Variants in SCIMP observed in about 807,000 individuals in gnomAD.
SCIMP encodes the protein SLP adapter and CSK-interacting membrane protein.
Under a neutral mutation model 22.0 loss-of-function variants are expected in SCIMP, and 18 were observed. The observed-to-expected ratio is 0.82, with a 90% CI of 0.56 to 1.21. The LOEUF is 1.21. Among genes scored for constraint, SCIMP ranks in the 50% most tolerant of loss-of-function variants. The pLI, the probability that SCIMP is intolerant of heterozygous loss-of-function variation, is 0.00. For missense variants in SCIMP, 155 were observed against 171.2 expected (o/e 0.91, Z 0.53); for synonymous variants, 53 against 62.2 (o/e 0.85, Z 0.70).
Position 5,215,101 on chromosome 17 carries a change from C to G in SCIMP, c.210-103G>C, listed in dbSNP as rs530186155. 113 of 755,558 alleles carry G rather than the reference C, an allele frequency of 1.5e-4. No homozygotes were observed. The Middle Eastern group carries it at 3.4e-3, about 23-fold the overall frequency. The allele number at this position is 755,558 out of a possible 1,614,324, so 46.8% of individuals were successfully genotyped here. Reference sequence around the variant, plus strand: ...AAGGAAAGTGAATGGGTTGAACATTCAAATCTTGGTCTCTACTAATTGGAA... The same window carrying G: ...AAGGAAAGTGAATGGGTTGAACATTGAAATCTTGGTCTCTACTAATTGGAA... On this transcript the variant is annotated intron_variant, in intron 3 of 4. Transcript: ENST00000574081.
chr17:5,224,370 C>T (rs1654360434), intron 1 of SCIMP, among the ~76,000 whole-genome samples: 2 of 152,066 alleles, frequency 1.3e-5, no homozygotes, highest in Non-Finnish European at 2.9e-5. Flanking sequence ...ATCTCCTGAC[C>T]TCGTGATCTG....
chr17:5,227,726 C>G (rs2144340255), intron 1 of SCIMP, among the ~76,000 whole-genome samples: 1 of 152,298 alleles, frequency 6.6e-6, no homozygotes, highest in South Asian at 2.1e-4. Context: ...ACTCCTCCAC[C>G]TTCCAGCCCA....
At chr17:5,229,724 A>G (rs960837640) in intron 1 of SCIMP, among the ~76,000 whole-genome samples, 2 of 151,964 alleles carry the variant, frequency 1.3e-5, no homozygotes, top group Admixed American at 1.3e-4. Flanking sequence ...GAAGATCTTC[A>G]GTAAGAAATA....
chr17:5,226,551 G>A (rs1164410464), intron 1 of SCIMP, among the ~76,000 whole-genome samples: 1 of 145,286 alleles, frequency 6.9e-6, no homozygotes, highest in Non-Finnish European at 1.5e-5. Context: ...TGTACCCCAG[G>A]CTGGAGTGCG....
chr17:5,220,108 G>A (rs1335520497), intron 3 of SCIMP, among the ~76,000 whole-genome samples: 2 of 152,110 alleles, frequency 1.3e-5, no homozygotes, highest in Admixed American at 1.3e-4. Context: ...GATCCCCAAC[G>A]CAGATATTGG....
intron 1 of SCIMP, among the ~76,000 whole-genome samples, chr17:5,232,870 C>T (rs1182328170): frequency 2.0e-5 from 3 of 152,076 alleles, no homozygotes; most frequent in African/African-American, 4.8e-5. Flanking sequence ...CCACCATACC[C>T]GGCTAATTTT....
At chr17:5,232,036 A>G (rs1280324313) in intron 1 of SCIMP, among the ~76,000 whole-genome samples, 2 of 150,918 alleles carry the variant, frequency 1.3e-5, no homozygotes, top group African/African-American at 2.4e-5. Context: ...AGCCTGGGCG[A>G]CAGAGCGAGA....
chr17:5,210,807 T>G lies in SCIMP; in HGVS notation c.432A>C (p.Ser144=). The change falls in exon 5 of 5, where the codon TCA becomes TCC. Residue 144 remains serine (S), a synonymous_variant. Transcript: ENST00000574081. ...VEIPANTEKA[S]F is the part of the protein sequence containing the mutation. ...AAAAGAAGAAATGGCTGTTTCAAAA[T>G]GATGCTTTTTCAGTATTTGCAGGGA... 1 of 1,604,884 alleles carries G rather than the reference T, an allele frequency of 6.2e-7. No homozygotes were observed.
intron 1 of SCIMP, among the ~76,000 whole-genome samples, chr17:5,231,244 C>T (rs910659559): frequency 6.6e-6 from 1 of 151,910 alleles, no homozygotes; most frequent in Admixed American, 6.6e-5. Context: ...CCTGTAATCC[C>T]AGCCACTCGG....
rs1021321775 is a variant in SCIMP, at chr17:5,212,798, C to T, written c.284-1843G>A. ...CAATCAAAATATTTTTCTTAAGTAT[C>T]GACTGAGCCTCACGCCCTGTTCTAG... On this transcript the variant is annotated intron_variant, in intron 4 of 4. Coordinates refer to ENST00000574081, the MANE Select transcript of SCIMP (RefSeq NM_207103.3). 1.5e-4 allele frequency among the ~76,000 whole-genome samples: 23 copies of T among 152,128 alleles called. No individual in the cohort carries two copies. The East Asian group carries it at 1.7e-3, about 11-fold the overall frequency.
intron 1 of SCIMP, chr17:5,223,752 G>A (rs181925735): frequency 1.1e-4 from 40 of 352,388 alleles, no homozygotes; most frequent in South Asian, 4.3e-4. Flanking sequence ...GTTTCGCCAC[G>A]TTGGCCAGGC....
intron 2 of SCIMP, among the ~76,000 whole-genome samples, chr17:5,222,774 C>T (rs1419080562): frequency 6.6e-6 from 1 of 152,132 alleles, no homozygotes; most frequent in Non-Finnish European, 1.5e-5. Context: ...AAGTGATTCT[C>T]CTGCCTCAGC....
Position 5,210,902 on chromosome 17 carries a change from C to G in SCIMP, c.337G>C (p.Val113Leu). 1 of 1,614,050 alleles carries G rather than the reference C, an allele frequency of 6.2e-7. No individual in the cohort carries two copies. The highest frequency in any genetic ancestry group is 8.5e-7 in the Non-Finnish European group (1 of 1,179,998). ...ATGGAAACAGTCTTCTTATTTTTAACTTTATTTACCAGTGAGTATGTAGCG... is the reference window on the plus strand; with the variant it reads ...ATGGAAACAGTCTTCTTATTTTTAAGTTTATTTACCAGTGAGTATGTAGCG... ...PPATYSLVNK[V>L]KNKKTVSIPS... The change falls in exon 5 of 5, where the codon GTT becomes CTT. Residue 113 changes from valine to leucine, a missense_variant. Physicochemically the swap from Val to Leu is conservative, Grantham distance 32. Transcript: ENST00000574081.
At chr17:5,234,308 T>C (rs183131086) in intron 1 of SCIMP, among the ~76,000 whole-genome samples, 1 of 152,082 alleles carries the variant, frequency 6.6e-6, no homozygotes, top group African/African-American at 2.4e-5. Context: ...ACACAGTCAG[T>C]GCCTCGCTCC....
chr17:5,226,745 G>A (rs934444470), intron 1 of SCIMP, among the ~76,000 whole-genome samples: 4 of 152,100 alleles, frequency 2.6e-5, no homozygotes, highest in Middle Eastern at 3.4e-3. Context: ...CTGACCTCAG[G>A]TGATCCGCCT....
rs1289419035 is a variant in SCIMP at position 5,210,373 on chromosome 17, G to T, written c.*428C>A. On this transcript the variant is annotated 3_prime_UTR_variant, in exon 5 of 5. Coordinates refer to ENST00000574081, the MANE Select transcript of SCIMP (RefSeq NM_207103.3). ...GAGAGGGTAAAGACCAGCATGCTTGGTGAGGGCCTTGCTGGGGATGGGAGC... is the reference window on the plus strand; with the variant it reads ...GAGAGGGTAAAGACCAGCATGCTTGTTGAGGGCCTTGCTGGGGATGGGAGC... 2 of 157,728 alleles carry T rather than the reference G, an allele frequency of 1.3e-5. No individual in the cohort carries two copies. The highest frequency in any genetic ancestry group is 2.8e-5 in the Non-Finnish European group (2 of 71,446). The allele number at this position is 157,728 out of a possible 1,614,324, so 9.8% of individuals were successfully genotyped here.
At chr17:5,227,292 A>AC (rs35959402) in intron 1 of SCIMP, among the ~76,000 whole-genome samples, 10 of 144,328 alleles carry the variant, frequency 6.9e-5, no homozygotes, top group Middle Eastern at 3.4e-3. Context: ...ACACACACAC[A>AC]ACACACACAC....
At chr17:5,221,948 T>C (rs1367427653) in intron 2 of SCIMP, among the ~76,000 whole-genome samples, 1 of 149,902 alleles carries the variant, frequency 6.7e-6, no homozygotes, top group Admixed American at 6.7e-5. Flanking sequence ...AATTTTTGTA[T>C]TTTTAATAGA....
At chr17:5,228,873 C>T (rs550146818) in intron 1 of SCIMP, among the ~76,000 whole-genome samples, 3 of 152,284 alleles carry the variant, frequency 2.0e-5, no homozygotes, top group East Asian at 3.9e-4. Flanking sequence ...TGTGAATATA[C>T]GAAAGAATGG....
Sources: allele counts gnomAD v4.1 joint callset (sites outside exome capture counted in the v4.1 genomes callset), GRCh38; gene constraint gnomAD v4.1.1; transcripts MANE v1.5; gene names NCBI Gene and HGNC (gene_info 2026-07-23, HGNC 2026-07-21).